OASL: variants seen among roughly 807,000 people sequenced by gnomAD.
OASL encodes the protein 2'-5'-oligoadenylate synthetase like.
A neutral mutation model predicts 35.3 loss-of-function variants in OASL; 28 were observed. The observed-to-expected ratio is 0.79, with a 90% CI of 0.59 to 1.09. The LOEUF (loss-of-function observed/expected upper bound fraction) is 1.09, where lower values mean the gene tolerates loss of function less well. Ranked by LOEUF, OASL falls within the 50% of genes least tolerant of loss-of-function variation. The pLI is 0.00. For missense variants in OASL, 620 were observed against 635.2 expected, an observed-to-expected ratio of 0.98 and a Z score of 0.26; for synonymous variants, 252 against 254.6, an observed-to-expected ratio of 0.99 and a Z score of 0.10.
chr12:121,034,164 T>C (rs1592939494), intron 1 of OASL, among the ~76,000 whole-genome samples: 2 of 150,956 alleles, frequency 1.3e-5, no homozygotes, highest in South Asian at 2.1e-4. Context: ...TTGTCTCAGG[T>C]CTCGCAGTTT....
chr12:121,024,100 C>A, exon 5 of OASL: 1 of 1,614,080 alleles, frequency 6.2e-7, no homozygotes, highest in South Asian at 1.1e-5. Flanking sequence ...CCTTCTGCCA[C>A]GTTGAGGGTG....
intron 4 of OASL, among the ~76,000 whole-genome samples, chr12:121,026,388 G>T (rs1869482504): frequency 1.3e-5 from 2 of 152,220 alleles, no homozygotes; most frequent in African/African-American, 4.8e-5. Context: ...TCTGGGTTGG[G>T]CTTCCCCTGA....
chr12:121,021,149 T>A, intron 5 of OASL, 91 bp from the exon 6 acceptor site: 1 of 1,335,676 alleles, frequency 7.5e-7, no homozygotes, highest in Non-Finnish European at 1.0e-6. Flanking sequence ...ATCTTTACAA[T>A]AGTAGCAGCA....
exon 6 of OASL, chr12:121,019,275 G>A (rs1482661482): frequency 6.6e-6 from 1 of 152,172 alleles, no homozygotes; most frequent in Non-Finnish European, 1.5e-5. Context: ...ACAGAGGTGG[G>A]AGATACACAG....
At chr12:121,031,365 A>T in intron 3 of OASL, 77 bp downstream of exon 3, 2 of 1,440,314 alleles carry the variant, frequency 1.4e-6, no homozygotes, top group Non-Finnish European at 1.9e-6. Flanking sequence ...CAGCTTCCTG[A>T]GATGAAAATC....
At chr12:121,026,885 C>T (rs1429544539) in intron 4 of OASL, among the ~76,000 whole-genome samples, 2 of 151,812 alleles carry the variant, frequency 1.3e-5, no homozygotes, top group Non-Finnish European at 2.9e-5. Flanking sequence ...CAATGAGACC[C>T]AGATTCCTTC....
chr12:121,037,529 C>T (rs1202022603), intron 1 of OASL, among the ~76,000 whole-genome samples: 1 of 152,090 alleles, frequency 6.6e-6, no homozygotes, highest in African/African-American at 2.4e-5. Context: ...AATCCCAGCA[C>T]TTTGGGAGGC....
chr12:121,027,766 C>T, exon 4 of OASL: 1 of 1,614,112 alleles, frequency 6.2e-7, no homozygotes, highest in Non-Finnish European at 8.5e-7. Context: ...GTTAGAAGTT[C>T]AAGAGCATAG....
In OASL at chr12:121,033,731, C is replaced by T. The variant is rs146484691; in HGVS notation, c.211G>A (p.Gly71Arg). Residue 71 changes from glycine to arginine, a missense_variant, in exon 2 of 6, where the codon GGG (glycine) becomes AGG (arginine). Transcript: ENST00000257570. ...GTGCTCCTGAGAACCGTGCCATTCCCGAAGGAGCCCACCTGCAGAACACAG... is the reference window on the plus strand; with the variant it reads ...GTGCTCCTGAGAACCGTGCCATTCCTGAAGGAGCCCACCTGCAGAACACAG... 9.9e-6 allele frequency: 16 copies of T among 1,612,634 alleles called. 1 individual carries two copies. Among genetic ancestry groups the T allele is most frequent in the African/African-American group, 2.7e-5 (2 of 74,984 alleles).
chr12:121,025,759 TA>T (rs11408808), intron 4 of OASL, among the ~76,000 whole-genome samples: 84 of 139,228 alleles, frequency 6.0e-4, no homozygotes, highest in Non-Finnish European at 5.9e-4. Flanking sequence ...AAGACTCCAT[TA>T]AAAAAAAAAA....
chr12:121,030,699 C>T (rs1869687866), intron 3 of OASL, among the ~76,000 whole-genome samples: 1 of 152,168 alleles, frequency 6.6e-6, no homozygotes, highest in South Asian at 2.1e-4. Flanking sequence ...GGGCTGTTTA[C>T]ACTCACACAT....
chr12:121,018,426 CG>C (rs1377864886), downstream of OASL, among the ~76,000 whole-genome samples: 1 of 150,932 alleles, frequency 6.6e-6, no homozygotes, highest in Non-Finnish European at 1.5e-5. Context: ...ATGCTGCTGG[CG>C]CGAGTGGCCT....
intron 4 of OASL, 120 bp downstream of exon 4, chr12:121,027,456 T>A: frequency 6.9e-7 from 1 of 1,452,636 alleles, no homozygotes; most frequent in Admixed American, 2.0e-5. Flanking sequence ...AGGTCGATGC[T>A]CAACTATGGT....
intron 4 of OASL, 33 bp from the exon 5 acceptor site, chr12:121,024,170 A>G (rs1474594829): frequency 6.2e-7 from 1 of 1,607,836 alleles, no homozygotes; most frequent in South Asian, 1.1e-5. Flanking sequence ...CCAGGCTCAT[A>G]ATGGTTTGAA....
In OASL at chr12:121,023,532, C is replaced by T. The variant is rs541112561; in HGVS notation, c.1047+458G>A. On this transcript the variant is annotated intron_variant, in intron 5 of 5. Transcript: ENST00000257570. Reference sequence around the variant, plus strand: ...CTTGAACTCCTGACCTCAAGTGATCCACCTGTCTTGGCCTCCCAAAGTGCT... The same window carrying T: ...CTTGAACTCCTGACCTCAAGTGATCTACCTGTCTTGGCCTCCCAAAGTGCT... Among the ~76,000 whole-genome samples, 377 of 152,114 alleles carry T rather than the reference C, an allele frequency of 2.5e-3. 5 individuals are homozygous for T. The highest frequency in any genetic ancestry group is 8.7e-3 in the African/African-American group (359 of 41,474).
Position 121,025,600 on chromosome 12 carries a change from A to C in OASL, c.900-1463T>G, listed in dbSNP as rs1869445961. ...GCCAACATGGTGAAACCGTGTCTCT[A>C]CTAAAAATACAAAAATTAGGGCATG... is the stretch of plus-strand genomic sequence containing the variant. On this transcript the variant is annotated intron_variant, in intron 4 of 5. Coordinates refer to ENST00000257570, the Ensembl canonical transcript of OASL. Among the ~76,000 whole-genome samples, 8 of 152,010 alleles carry C rather than the reference A, an allele frequency of 5.3e-5. No homozygotes were observed. The South Asian group carries it at 1.5e-3, about 28-fold the overall frequency.
At chr12:121,020,833 A>G (rs1869200466) in exon 6 of OASL, 2 of 1,614,206 alleles carry the variant, frequency 1.2e-6, no homozygotes, top group Non-Finnish European at 1.7e-6. Flanking sequence ...TCCAGCAGAT[A>G]GATGTGAGTG....
chr12:121,020,610 G>C (rs771347511), exon 6 of OASL: 13 of 1,613,108 alleles, frequency 8.1e-6, no homozygotes, highest in South Asian at 1.1e-5. Context: ...GAGGATGAGA[G>C]TGTCACTGTC....
At chr12:121,018,301 A>G (rs1267752326), downstream of OASL, among the ~76,000 whole-genome samples, 2 of 152,072 alleles carry the variant, frequency 1.3e-5, no homozygotes, top group African/African-American at 2.4e-5. Context: ...GTAAACAGGA[A>G]GTTTCTCAGT....
Sources: gnomAD v4.1 joint callset for allele counts (sites outside exome capture counted in the v4.1 genomes callset) on GRCh38, gnomAD v4.1.1 for gene constraint, MANE v1.5 for transcripts, NCBI Gene and HGNC (gene_info 2026-07-23, HGNC 2026-07-21) for gene names.